The following MROH2B variants were observed in gnomAD, a reference collection of about 807,000 sequenced individuals.
MROH2B encodes the protein maestro heat like repeat family member 2B, also known as maestro heat-like repeat-containing protein family member 2B.
In MROH2B, 177 loss-of-function variants were observed where a neutral mutation model predicts 208.6. The observed-to-expected ratio is 0.85, with a 90% CI of 0.75 to 0.96. The LOEUF (loss-of-function observed/expected upper bound fraction) is 0.96, where lower values mean the gene tolerates loss of function less well. Ranked by LOEUF, MROH2B falls within the 40% of genes least tolerant of loss-of-function variation. The pLI is 0.00. For missense variants in MROH2B, 2,002 were observed against 1,878.7 expected (o/e 1.07, Z -1.21); for synonymous variants, 728 against 659.0 (o/e 1.10, Z -1.60).
In MROH2B at chr5:41,018,416, C is replaced by T; in HGVS notation, c.2688G>A (p.Trp896Ter). ...TTTCCCACTCTTTTTGTGAAACAAG[C>T]CACATTTGGAGAAGCTGTTGGTCAA... is the stretch of plus-strand genomic sequence containing the variant. ...CQEMFNLLQM[W>*]LVSQKEWERE... The change falls in exon 27 of 42, where the codon TGG (tryptophan) becomes TGA (stop). Residue 896 changes from tryptophan to a stop codon, truncating the protein, a stop_gained. Coordinates refer to ENST00000399564, the MANE Select transcript of MROH2B (RefSeq NM_173489.5). LOFTEE classifies it high-confidence loss of function. 2 of 1,612,848 alleles carry T rather than the reference C, an allele frequency of 1.2e-6. No individual in the cohort carries two copies. Among genetic ancestry groups the T allele is most frequent in the Non-Finnish European group, 1.7e-6 (2 of 1,179,580 alleles).
chr5:41,055,460 T>G (rs1743418054), intron 10 of MROH2B, among the ~76,000 whole-genome samples: 1 of 140,468 alleles, frequency 7.1e-6, no homozygotes, highest in Non-Finnish European at 1.6e-5. Context: ...TTGGACCATT[T>G]AATCAACCTA....
At chr5:41,014,390 G>C (rs1019821477) in intron 29 of MROH2B, among the ~76,000 whole-genome samples, 2 of 152,078 alleles carry the variant, frequency 1.3e-5, no homozygotes, top group African/African-American at 4.8e-5. Flanking sequence ...TGAACAATGA[G>C]AACACATGGA....
chr5:41,029,727 GA>G (rs1320993626), intron 24 of MROH2B, among the ~76,000 whole-genome samples: 1 of 151,964 alleles, frequency 6.6e-6, no homozygotes, highest in Non-Finnish European at 1.5e-5. Context: ...GTGATTTCTT[GA>G]AACACAGGCA....
intron 2 of MROH2B, among the ~76,000 whole-genome samples, chr5:41,069,025 A>G (rs1051282673): frequency 3.3e-5 from 5 of 151,264 alleles, no homozygotes; most frequent in Non-Finnish European, 5.9e-5. Context: ...GATTAGGAAC[A>G]TTTTTTTTTG....
chr5:41,033,166 G>T lies in MROH2B; in HGVS notation c.2242-6C>A, dbSNP rs757456396. On this transcript the variant is annotated splice_region_variant and splice_polypyrimidine_tract_variant and intron_variant, in intron 22 of 41. Coordinates refer to ENST00000399564, the MANE Select transcript of MROH2B (RefSeq NM_173489.5). ...CTCATTTGCAGATCCATGTCCTAAA[G>T]CAAAAGCATTTACAATGCAAGTCAA... 1.2e-6 allele frequency: 2 copies of T among 1,612,210 alleles called. No individual in the cohort carries two copies. Among genetic ancestry groups the T allele is most frequent in the African/African-American group, 2.7e-5 (2 of 74,854 alleles).
intron 29 of MROH2B, 28 bp downstream of exon 29, chr5:41,015,353 C>A: frequency 6.3e-7 from 1 of 1,580,068 alleles, no homozygotes; most frequent in South Asian, 1.1e-5. Flanking sequence ...AGAATCTTTA[C>A]ATCCCCTGGC....
At chr5:41,023,246 G>A (rs1007221314) in intron 24 of MROH2B, among the ~76,000 whole-genome samples, 3 of 152,186 alleles carry the variant, frequency 2.0e-5, no homozygotes, top group Non-Finnish European at 4.4e-5. Flanking sequence ...ACTTCTCCGA[G>A]CTAAAGGAGG....
rs574821412 is a variant in MROH2B, at chr5:41,033,011, G to C, written c.2361+30C>G. 37 of 1,611,774 alleles carry C rather than the reference G, an allele frequency of 2.3e-5. 1 individual carries two copies. In the South Asian group the frequency reaches 4.0e-4, roughly 17 times the overall value. ...AACTCTTGGTAATGGAATACTCAGG[G>C]CCTTTCTTATTCCCTCTCTGCACAC... On this transcript the variant is annotated intron_variant, in intron 23 of 41. Coordinates refer to ENST00000399564, the MANE Select transcript of MROH2B (RefSeq NM_173489.5).
Position 41,008,719 on chromosome 5 carries a change from G to C in MROH2B, c.3495C>G (p.Leu1165=). 6.2e-7 allele frequency: 1 copy of C among 1,613,848 alleles called. No homozygotes were observed. The highest frequency in any genetic ancestry group is 8.5e-7 in the Non-Finnish European group (1 of 1,179,832). ...GTGTGCAGCTAACCAGCTTCAGGAGGAGAGTGAACAGCTCTGGATACAAGC... is the reference window on the plus strand; with the variant it reads ...GTGTGCAGCTAACCAGCTTCAGGAGCAGAGTGAACAGCTCTGGATACAAGC... ...VTGLYPELFT[L]LLKLVSCTLG... The change falls in exon 33 of 42, where the codon CTC becomes CTG. Residue 1165 remains leucine (L), a synonymous_variant. Transcript: ENST00000399564.
At chr5:41,019,499 C>A (rs1033373045) in intron 24 of MROH2B, among the ~76,000 whole-genome samples, 1 of 152,152 alleles carries the variant, frequency 6.6e-6, no homozygotes, top group Admixed American at 6.6e-5. Flanking sequence ...TATGAATGCA[C>A]AAGTGAATAA....
intron 9 of MROH2B, 116 bp downstream of exon 9, chr5:41,056,993 G>T: frequency 1.0e-6 from 1 of 999,698 alleles, no homozygotes. Context: ...AAGAAACAGT[G>T]TGTGTGTTTG....
intron 24 of MROH2B, among the ~76,000 whole-genome samples, chr5:41,022,730 C>T (rs188362975): frequency 4.4e-4 from 67 of 152,252 alleles, no homozygotes; most frequent in East Asian, 4.3e-3. Context: ...GATCTGAGAA[C>T]GGACAGACTG....
intron 30 of MROH2B, among the ~76,000 whole-genome samples, chr5:41,012,178 G>T (rs1482826676): frequency 6.6e-6 from 1 of 152,184 alleles, no homozygotes; most frequent in Non-Finnish European, 1.5e-5. Context: ...ACACTATGGG[G>T]TGTGGGAGAA....
At chr5:41,060,588 T>G (rs911136710) in intron 6 of MROH2B, among the ~76,000 whole-genome samples, 1 of 152,206 alleles carries the variant, frequency 6.6e-6, no homozygotes, top group Non-Finnish European at 1.5e-5. Context: ...GCACCTTCGC[T>G]GTGGTGAGCA....
intron 29 of MROH2B, among the ~76,000 whole-genome samples, chr5:41,014,410 G>A (rs113385251): frequency 0.04 from 6,049 of 152,154 alleles, 403 homozygotes; most frequent in African/African-American, 0.14. Flanking sequence ...ACACAGGAAG[G>A]GGAACATCAC....
At chr5:41,020,354 T>C (rs1340572755) in intron 24 of MROH2B, among the ~76,000 whole-genome samples, 2 of 152,214 alleles carry the variant, frequency 1.3e-5, no homozygotes, top group Admixed American at 6.5e-5. Flanking sequence ...ACTGGTTAAT[T>C]CTTAATTCAG....
Position 41,025,470 on chromosome 5 carries a change from C to G in MROH2B, c.2442-6452G>C, listed in dbSNP as rs143879506. On this transcript the variant is annotated intron_variant, in intron 24 of 41. Transcript: ENST00000399564. ...TAAATTCCTGAACACACACAACCTC[C>G]CAAGACAAAACCAGGAAGAAGTTGA... 3.7e-3 allele frequency among the ~76,000 whole-genome samples: 562 copies of G among 152,170 alleles called. 3 individuals are homozygous for G. Among genetic ancestry groups the G allele is most frequent in the African/African-American group, 0.013 (544 of 41,516 alleles).
intron 35 of MROH2B, 91 bp downstream of exon 35, chr5:41,005,440 C>A: frequency 3.7e-6 from 1 of 273,326 alleles, no homozygotes; most frequent in Non-Finnish European, 7.3e-6. Flanking sequence ...AGTCTCTCTT[C>A]CCTGGTTCCA....
chr5:41,064,333 G>C (rs920766023), intron 5 of MROH2B, 139 bp downstream of exon 5: 1 of 643,808 alleles, frequency 1.6e-6, no homozygotes, highest in East Asian at 2.8e-5. Context: ...TTTCCATGTG[G>C]TAGGCACTCA....
Sources: allele counts gnomAD v4.1 joint callset (sites outside exome capture counted in the v4.1 genomes callset), GRCh38; gene constraint gnomAD v4.1.1; transcripts MANE v1.5; gene names NCBI Gene and HGNC (gene_info 2026-07-23, HGNC 2026-07-21).